The following DTNBP1 variants were observed in gnomAD, a reference collection of about 807,000 sequenced individuals.
The protein encoded by DTNBP1 is dysbindin.
In DTNBP1, 35 loss-of-function variants were observed where a neutral mutation model predicts 42.8. The observed-to-expected ratio is 0.82, with a 90% CI of 0.63 to 1.09. The LOEUF (loss-of-function observed/expected upper bound fraction) is 1.09. Among genes scored for constraint, DTNBP1 ranks in the 50% least tolerant of loss-of-function variants. The pLI, the probability that DTNBP1 is intolerant of heterozygous loss-of-function variation, is 0.00. For synonymous variants in DTNBP1, 171 were observed against 162.2 expected (o/e 1.05, Z -0.41); for missense variants, 457 against 424.2 (o/e 1.08, Z -0.68).
chr6:15,618,509 G>GT, intron 5 of DTNBP1, among the ~76,000 whole-genome samples: 1 of 150,010 alleles, frequency 6.7e-6, no homozygotes, highest in East Asian at 2.0e-4. Flanking sequence ...ACAAGCACAT[G>GT]TACCCCCTTA....
At chr6:15,633,545 G>A (rs993001393) in intron 4 of DTNBP1, among the ~76,000 whole-genome samples, 2 of 152,204 alleles carry the variant, frequency 1.3e-5, no homozygotes, top group Admixed American at 6.5e-5. Flanking sequence ...GGAGCTTGAA[G>A]ATGTGACTGA....
chr6:15,525,215 C>T (rs1407140098), intron 8 of DTNBP1, among the ~76,000 whole-genome samples: 1 of 152,228 alleles, frequency 6.6e-6, no homozygotes, highest in African/African-American at 2.4e-5. Context: ...AAAACAAAAC[C>T]CAGCCCACCA....
intron 7 of DTNBP1, among the ~76,000 whole-genome samples, chr6:15,550,828 A>T (rs546145863): frequency 6.6e-6 from 1 of 152,282 alleles, no homozygotes; most frequent in East Asian, 1.9e-4. Flanking sequence ...GCCCACAGGG[A>T]TGACGGAAGA....
chr6:15,579,916 T>C (rs1293043018), intron 7 of DTNBP1: 3 of 430,822 alleles, frequency 7.0e-6, no homozygotes, highest in Non-Finnish European at 1.4e-5. Context: ...ACATTACATA[T>C]ATGTATCAAA....
intron 5 of DTNBP1, among the ~76,000 whole-genome samples, chr6:15,616,785 CAAGA>C (rs1025787922): frequency 1.3e-5 from 2 of 151,902 alleles, no homozygotes; most frequent in African/African-American, 4.8e-5. Flanking sequence ...CAATTAGGCA[CAAGA>C]AAGAAATAAA....
chr6:15,524,649 A>G lies in DTNBP1; in HGVS notation c.688T>C (p.Ser230Pro), dbSNP rs142075419. ...ERREPIGSMS[S>P]MEVNVDMLEQ... ...AGCATGTCCACGTTCACTTCCATGG[A>G]TGACATGCTGCCTATGGGCTCTGCG... The change falls in exon 9 of 10, where the codon TCC becomes CCC. Residue 230 changes from serine (S) to proline (P), a missense_variant. By Grantham distance (74) the Ser-to-Pro change is moderately conservative (BLOSUM62 -1). Coordinates refer to ENST00000344537, the MANE Select transcript of DTNBP1 (RefSeq NM_032122.5). 2 of 1,613,620 alleles carry G rather than the reference A, an allele frequency of 1.2e-6. No homozygotes were observed. Among genetic ancestry groups the G allele is most frequent in the Non-Finnish European group, 1.7e-6 (2 of 1,180,026 alleles).
At chr6:15,526,358 G>T (rs1175003517) in intron 8 of DTNBP1, among the ~76,000 whole-genome samples, 2 of 152,236 alleles carry the variant, frequency 1.3e-5, no homozygotes, top group Non-Finnish European at 2.9e-5. Flanking sequence ...AGACACGGGG[G>T]TGGAGAGGAG....
chr6:15,635,544 A>G (rs1468052048), intron 4 of DTNBP1, among the ~76,000 whole-genome samples: 4 of 152,272 alleles, frequency 2.6e-5, no homozygotes, highest in Non-Finnish European at 5.9e-5. Context: ...TTTTTCCTAC[A>G]CTGTCTTTCC....
At chr6:15,617,903 C>A (rs1758806213) in intron 5 of DTNBP1, among the ~76,000 whole-genome samples, 1 of 151,768 alleles carries the variant, frequency 6.6e-6, no homozygotes. Flanking sequence ...AAGCTTCTGC[C>A]TGGAGAAAAA....
At chr6:15,603,769 C>T (rs1422740811) in intron 6 of DTNBP1, among the ~76,000 whole-genome samples, 8 of 152,180 alleles carry the variant, frequency 5.3e-5, no homozygotes, top group African/African-American at 7.2e-5. Context: ...AAGAATTCAC[C>T]GAGTCCACTT....
chr6:15,533,191 C>A (rs761919569), intron 8 of DTNBP1, 49 bp downstream of exon 8: 18 of 1,608,994 alleles, frequency 1.1e-5, no homozygotes, highest in Middle Eastern at 2.1e-4. Context: ...CCATCGCCAC[C>A]CCGCACAGCC....
Position 15,576,607 on chromosome 6 carries a change from T to C in DTNBP1, c.511+16452A>G, listed in dbSNP as rs1428554954. The stretch of plus-strand genomic sequence containing the variant: ...CCTGGCCAAAGTGGCAAAAACTCCA[T>C]CTGTACTAAAAATTAGGTAGGCATG... On this transcript the variant is annotated intron_variant, in intron 7 of 9. Transcript: ENST00000344537. Among the ~76,000 whole-genome samples, 3 of 151,410 alleles carry C rather than the reference T, an allele frequency of 2.0e-5. No homozygotes were observed. In the East Asian group the frequency reaches 5.9e-4, roughly 30 times the overall value.
intron 7 of DTNBP1, among the ~76,000 whole-genome samples, chr6:15,564,766 T>C (rs1445513144): frequency 1.3e-5 from 2 of 151,750 alleles, no homozygotes; most frequent in Non-Finnish European, 2.9e-5. Context: ...CACAAATGGC[T>C]AATAAACACA....
chr6:15,523,583 T>C, intron 9 of DTNBP1: 1 of 1,279,366 alleles, frequency 7.8e-7, no homozygotes, highest in Non-Finnish European at 1.0e-6. Flanking sequence ...TTTTACCCTT[T>C]GCAGTAATTC....
chr6:15,593,087 G>GT lies in DTNBP1; in HGVS notation c.489-7_489-6insA. 6.5e-7 allele frequency: 1 copy of GT among 1,532,652 alleles called. No homozygotes were observed. Among genetic ancestry groups the GT allele is most frequent in the Non-Finnish European group, 8.8e-7 (1 of 1,142,288 alleles). The allele number at this position is 1,532,652 out of a possible 1,614,324, so 94.9% of individuals were successfully genotyped here. On this transcript the variant is annotated splice_region_variant and splice_polypyrimidine_tract_variant and intron_variant, in intron 6 of 9. Transcript: ENST00000344537. ...TGAAGGTTTCAAGTTCCTTCCTGTAGGAAAAAAAAAAAAAAGACAAGACAA... is the reference window on the plus strand; with the variant it reads ...TGAAGGTTTCAAGTTCCTTCCTGTAGTGAAAAAAAAAAAAAAGACAAGACAA...
chr6:15,616,881 G>A (rs915059699), intron 5 of DTNBP1, among the ~76,000 whole-genome samples: 28 of 152,066 alleles, frequency 1.8e-4, no homozygotes, highest in Admixed American at 1.6e-3. Context: ...CTCTAAAAGC[G>A]CCACCAAAAA....
intron 7 of DTNBP1, among the ~76,000 whole-genome samples, chr6:15,581,811 A>G (rs938362491): frequency 5.3e-5 from 8 of 152,182 alleles, no homozygotes; most frequent in Non-Finnish European, 1.0e-4. Context: ...CGCAGAAATC[A>G]GCATCTGCAA....
intron 5 of DTNBP1, among the ~76,000 whole-genome samples, chr6:15,624,349 G>A (rs1290724330): frequency 3.9e-5 from 6 of 152,078 alleles, no homozygotes; most frequent in Non-Finnish European, 5.9e-5. Context: ...TTTTTAAAAC[G>A]ACAAACCTTA....
At chr6:15,573,361 G>T (rs1441452144) in intron 7 of DTNBP1, among the ~76,000 whole-genome samples, 2 of 151,966 alleles carry the variant, frequency 1.3e-5, no homozygotes, top group Non-Finnish European at 2.9e-5. Context: ...CATTTCTGGG[G>T]CTAATTAACT....
Sources: allele counts gnomAD v4.1 joint callset (sites outside exome capture counted in the v4.1 genomes callset), GRCh38; gene constraint gnomAD v4.1.1; transcripts MANE v1.5; gene names NCBI Gene and HGNC (gene_info 2026-07-23, HGNC 2026-07-21).